Variants in GNB4 observed in about 807,000 individuals in gnomAD.
GNB4 encodes the protein G protein subunit beta 4, also known as guanine nucleotide-binding protein subunit beta-4.
Under a neutral mutation model 45.2 loss-of-function variants are expected in GNB4, and 28 were observed. That is an observed-to-expected ratio of 0.62 (90% CI 0.46 to 0.85). GNB4 has a LOEUF of 0.85. Ranked by LOEUF, GNB4 falls within the 40% of genes least tolerant of loss-of-function variation. The probability of loss-of-function intolerance (pLI) is 0.00; values close to 1 mark genes in which losing one functional copy is unlikely to be tolerated. For synonymous variants in GNB4, 132 were observed against 143.7 expected, an observed-to-expected ratio of 0.92 and a Z score of 0.58; for missense variants, 321 against 425.4, an observed-to-expected ratio of 0.75 and a Z score of 2.16.
At chr3:179,488,063 A>T in the GNB4 span, among the ~76,000 whole-genome samples, 1 of 151,826 alleles carries the variant, frequency 6.6e-6, no homozygotes, top group African/African-American at 2.4e-5. Flanking sequence ...AAAAAAAAAA[A>T]ATCCACTTGC....
chr3:179,417,103 G>A (rs1274277271), intron 4 of GNB4, among the ~76,000 whole-genome samples: 1 of 152,172 alleles, frequency 6.6e-6, no homozygotes, highest in African/African-American at 2.4e-5. Context: ...TGCCACAGGA[G>A]AGTAAAGGAG....
chr3:179,479,515 T>A, the GNB4 span, among the ~76,000 whole-genome samples: 1 of 152,310 alleles, frequency 6.6e-6, no homozygotes, highest in East Asian at 1.9e-4. Context: ...CCTCCACTTA[T>A]CAGATCAAGA....
the GNB4 span, among the ~76,000 whole-genome samples, chr3:179,527,039 G>T: frequency 2.6e-5 from 4 of 152,200 alleles, no homozygotes; most frequent in Non-Finnish European, 5.9e-5. Flanking sequence ...TGGGAAAAGG[G>T]TCTTTAGCAA....
At chr3:179,526,631 C>G in the GNB4 span, among the ~76,000 whole-genome samples, 1 of 152,182 alleles carries the variant, frequency 6.6e-6, no homozygotes, top group Non-Finnish European at 1.5e-5. Flanking sequence ...TATTCTCTCT[C>G]TAACTCAACA....
intron 8 of GNB4, among the ~76,000 whole-genome samples, chr3:179,408,717 G>A (rs1052234078): frequency 7.2e-5 from 11 of 151,968 alleles, no homozygotes; most frequent in Admixed American, 2.6e-4. Context: ...GCTTGAACCC[G>A]GGAGGTGGAG....
chr3:179,425,999 TCAGTTC>T, intron 2 of GNB4, 139 bp downstream of exon 2: 1 of 636,482 alleles, frequency 1.6e-6, no homozygotes, highest in Non-Finnish European at 2.7e-6. Flanking sequence ...CAAATAGACC[TCAGTTC>T]TTACTTCGCC....
chr3:179,512,636 T>G, the GNB4 span, among the ~76,000 whole-genome samples: 2 of 152,206 alleles, frequency 1.3e-5, no homozygotes, highest in Admixed American at 6.5e-5. Context: ...GGTTGGACTC[T>G]GGGAAAGCAC....
the GNB4 span, among the ~76,000 whole-genome samples, chr3:179,523,285 C>G: frequency 1.3e-5 from 2 of 152,028 alleles, no homozygotes; most frequent in Non-Finnish European, 2.9e-5. Flanking sequence ...GTCCATGAAG[C>G]CTTGCGGCAG....
chr3:179,469,572 G>A, the GNB4 span, among the ~76,000 whole-genome samples: 9 of 152,136 alleles, frequency 5.9e-5, no homozygotes, highest in Non-Finnish European at 1.3e-4. Context: ...TGCAGACTAA[G>A]TTCAGTATAC....
the GNB4 span, among the ~76,000 whole-genome samples, chr3:179,499,485 C>T: frequency 6.6e-6 from 1 of 152,334 alleles, no homozygotes; most frequent in Middle Eastern, 3.4e-3. Flanking sequence ...TTAATCCAGT[C>T]TATCATTCAT....
chr3:179,481,542 A>G, the GNB4 span, among the ~76,000 whole-genome samples: 1 of 152,072 alleles, frequency 6.6e-6, no homozygotes, highest in Non-Finnish European at 1.5e-5. Flanking sequence ...GTCTCACTAT[A>G]TTGCCCAGGT....
the GNB4 span, among the ~76,000 whole-genome samples, chr3:179,508,437 C>T: frequency 2.6e-5 from 4 of 152,312 alleles, no homozygotes; most frequent in South Asian, 2.1e-4. Flanking sequence ...GCCTCGCAAG[C>T]GCTGTACAAG....
At chr3:179,454,319 C>T (rs561401683), upstream of GNB4, among the ~76,000 whole-genome samples, 1 of 152,266 alleles carries the variant, frequency 6.6e-6, no homozygotes, top group African/African-American at 2.4e-5. Flanking sequence ...TAACAGAGCA[C>T]CTTGCATTTG....
the GNB4 span, among the ~76,000 whole-genome samples, chr3:179,496,824 A>G: frequency 6.6e-6 from 1 of 152,094 alleles, no homozygotes; most frequent in Non-Finnish European, 1.5e-5. Flanking sequence ...TCAACATCAG[A>G]ATGCCTCAAT....
At chr3:179,488,026 G>T in the GNB4 span, among the ~76,000 whole-genome samples, 1 of 150,478 alleles carries the variant, frequency 6.6e-6, no homozygotes, top group African/African-American at 2.5e-5. Flanking sequence ...GCTCCAACCT[G>T]GGCAACAGAG....
intron 2 of GNB4, among the ~76,000 whole-genome samples, chr3:179,424,832 T>G (rs180778927): frequency 7.9e-5 from 12 of 152,234 alleles, no homozygotes; most frequent in Admixed American, 7.8e-4. Flanking sequence ...TGGTCTTGAA[T>G]TCCTGTCTCA....
At chr3:179,414,785 T>C in intron 6 of GNB4, 100 bp downstream of exon 6, 1 of 898,034 alleles carries the variant, frequency 1.1e-6, no homozygotes. Context: ...CGATTAATCC[T>C]CATCCTTTAG....
At chr3:179,402,036 C>CTATAT (rs773576124) in intron 9 of GNB4, among the ~76,000 whole-genome samples, 8 of 152,290 alleles carry the variant, frequency 5.3e-5, no homozygotes, top group Non-Finnish European at 1.0e-4. Flanking sequence ...TTCTCTCTCT[C>CTATAT]TATTCTTAAG....
the GNB4 span, among the ~76,000 whole-genome samples, chr3:179,519,482 T>C: frequency 1.3e-5 from 2 of 152,138 alleles, no homozygotes; most frequent in Non-Finnish European, 2.9e-5. Flanking sequence ...AGGGCCTGTT[T>C]CCCTTGCCTC....
Sources: allele counts gnomAD v4.1 joint callset (sites outside exome capture counted in the v4.1 genomes callset), GRCh38; gene constraint gnomAD v4.1.1; transcripts MANE v1.5; gene names NCBI Gene and HGNC (gene_info 2026-07-23, HGNC 2026-07-21).